Variants in SYT1 observed in about 807,000 individuals in gnomAD.
The protein encoded by SYT1 is synaptotagmin-1.
Under a neutral mutation model 44.8 loss-of-function variants are expected in SYT1, and 8 were observed. That is an observed-to-expected ratio of 0.18 (90% CI 0.10 to 0.32). The LOEUF (loss-of-function observed/expected upper bound fraction) is 0.32, where lower values mean the gene tolerates loss of function less well. Ranked by LOEUF, SYT1 falls within the 10% of genes least tolerant of loss-of-function variation. SYT1 has a pLI of 1.00. For missense variants in SYT1, 286 were observed against 509.3 expected (o/e 0.56, Z 4.22); for synonymous variants, 154 against 188.8 (o/e 0.82, Z 1.51).
intron 8 of SYT1, among the ~76,000 whole-genome samples, chr12:79,315,893 C>T (rs1881060724): frequency 6.6e-6 from 1 of 152,178 alleles, no homozygotes; most frequent in South Asian, 2.1e-4. Context: ...CCTAATTCTC[C>T]TGATGTAAAA....
chr12:79,444,260 ATAAAT>A, intron 10 of SYT1, 54 bp downstream of exon 10: 1 of 1,601,152 alleles, frequency 6.2e-7, no homozygotes. Flanking sequence ...TTCAGACCAC[ATAAAT>A]TATACACACA....
intron 4 of SYT1, among the ~76,000 whole-genome samples, chr12:79,219,985 G>A (rs1365361155): frequency 6.6e-6 from 1 of 151,950 alleles, no homozygotes; most frequent in Admixed American, 6.6e-5. Flanking sequence ...TCCATTTTTG[G>A]AAGAGTTTGA....
At chr12:79,151,967 G>T (rs908738278) in intron 3 of SYT1, among the ~76,000 whole-genome samples, 1 of 152,122 alleles carries the variant, frequency 6.6e-6, no homozygotes, top group African/African-American at 2.4e-5. Context: ...AAAGGGCTGA[G>T]AAAAGAACTG....
chr12:78,935,433 T>C (rs1258434561), intron 1 of SYT1, among the ~76,000 whole-genome samples: 1 of 152,122 alleles, frequency 6.6e-6, no homozygotes, highest in African/African-American at 2.4e-5. Context: ...TTTACTGCTT[T>C]GGTAAAAATA....
chr12:78,871,246 G>A (rs185934817), intron 1 of SYT1, among the ~76,000 whole-genome samples: 2 of 151,922 alleles, frequency 1.3e-5, no homozygotes, highest in East Asian at 1.9e-4. Context: ...CATCACACAC[G>A]AGCTTGCTTT....
At chr12:79,049,002 T>C (rs1874272774) in intron 3 of SYT1, among the ~76,000 whole-genome samples, 1 of 151,944 alleles carries the variant, frequency 6.6e-6, no homozygotes, top group African/African-American at 2.4e-5. Flanking sequence ...TGTACAATAC[T>C]CATTGGAAAA....
chr12:79,292,127 C>A lies in SYT1; in HGVS notation c.471C>A (p.Asn157Lys), dbSNP rs771321547. 1 of 1,613,452 alleles carries A rather than the reference C, an allele frequency of 6.2e-7. No individual in the cohort carries two copies. Among genetic ancestry groups the A allele is most frequent in the Non-Finnish European group, 8.5e-7 (1 of 1,179,804 alleles). Residue 157 changes from asparagine (N) to lysine (K), a missense_variant, in exon 6 of 11, where the codon AAC becomes AAA. Coordinates refer to ENST00000261205, the MANE Select transcript of SYT1 (RefSeq NM_005639.3). The part of the protein sequence containing the change: ...QYSLDYDFQN[N>K]QLLVGIIQAA... Reference sequence around the variant, plus strand: ...CACTGGATTATGATTTCCAAAATAACCAGGTCTGAAGTGGAGAAATGTCTT... The same window carrying A: ...CACTGGATTATGATTTCCAAAATAAACAGGTCTGAAGTGGAGAAATGTCTT...
chr12:79,444,490 A>G (rs1417186481), intron 10 of SYT1, among the ~76,000 whole-genome samples: 3 of 152,212 alleles, frequency 2.0e-5, no homozygotes, highest in Admixed American at 2.0e-4. Context: ...AAGTGCATCT[A>G]TAAAAGTTAA....
chr12:79,258,164 C>G (rs556494411), intron 4 of SYT1, among the ~76,000 whole-genome samples: 58 of 152,324 alleles, frequency 3.8e-4, no homozygotes, highest in Admixed American at 1.4e-3. Flanking sequence ...CTTTATTTTA[C>G]ATATTCCTAT....
At position 78,983,355 on chromosome 12, in the gene SYT1, G is replaced by A. The variant is rs1869412130; in HGVS notation, c.-84+5424G>A. 2.6e-5 allele frequency among the ~76,000 whole-genome samples: 4 copies of A among 151,854 alleles called. No homozygotes were observed. In the South Asian group the frequency reaches 8.3e-4, roughly 31 times the overall value. ...ATGGAATCAAATACCTCACAGCCCA[G>A]GCCTCAAAGGCATCTTTTCTTATCA... On this transcript the variant is annotated intron_variant, in intron 2 of 10. Transcript: ENST00000261205.
chr12:79,133,231 G>T (rs1253582734), intron 3 of SYT1, among the ~76,000 whole-genome samples: 1 of 151,976 alleles, frequency 6.6e-6, no homozygotes, highest in African/African-American at 2.4e-5. Flanking sequence ...AAAATTGCTA[G>T]AAGAGGGTCA....
intron 1 of SYT1, among the ~76,000 whole-genome samples, chr12:78,931,386 A>AAGGG (rs1877728990): frequency 2.6e-5 from 3 of 117,030 alleles, no homozygotes; most frequent in Non-Finnish European, 5.3e-5. Flanking sequence ...GGAAGGAAGG[A>AAGGG]AGGAAGGAAG....
At chr12:79,205,760 T>C (rs192782826) in intron 3 of SYT1, among the ~76,000 whole-genome samples, 2 of 152,322 alleles carry the variant, frequency 1.3e-5, no homozygotes, top group African/African-American at 4.8e-5. Context: ...ATGAATATAG[T>C]TTTCACTTGG....
chr12:79,143,290 G>C (rs1869675229), intron 3 of SYT1, among the ~76,000 whole-genome samples: 2 of 152,118 alleles, frequency 1.3e-5, no homozygotes, highest in Admixed American at 1.3e-4. Flanking sequence ...ATATACTGTT[G>C]TCTTTTGCAG....
chr12:79,349,041 G>GAAAGAA lies in SYT1; in HGVS notation c.811-4459_811-4454dup, dbSNP rs1565919935. On this transcript the variant is annotated intron_variant, in intron 8 of 10. Coordinates refer to ENST00000261205, the MANE Select transcript of SYT1 (RefSeq NM_005639.3). ...AAAGAAAGAAAGAAAGAAAAAGAAA[G>GAAAGAA]AAAGAAAGAAAGAAAGGAGGGAGGG... is the stretch of plus-strand genomic sequence containing the variant. Among the ~76,000 whole-genome samples the GAAAGAA allele has an allele frequency of 2.9e-3, 325 of 113,028 alleles. 1 individual carries two copies. Among genetic ancestry groups the GAAAGAA allele is most frequent in the African/African-American group, 0.011 (312 of 29,584 alleles). 74.2% of individuals were successfully genotyped at this position (113,028 alleles called of 152,430 possible).
chr12:79,143,739 G>A (rs921332408), intron 3 of SYT1, among the ~76,000 whole-genome samples: 5 of 151,866 alleles, frequency 3.3e-5, no homozygotes, highest in Non-Finnish European at 5.9e-5. Context: ...AATTCAGCTC[G>A]AGCAACGTTG....
intron 1 of SYT1, among the ~76,000 whole-genome samples, chr12:78,923,002 T>C (rs960192695): frequency 6.6e-6 from 1 of 151,936 alleles, no homozygotes; most frequent in Non-Finnish European, 1.5e-5. Flanking sequence ...ACCCTTTCCA[T>C]GTGAAGTGGA....
intron 4 of SYT1, among the ~76,000 whole-genome samples, chr12:79,285,363 C>T (rs1367901319): frequency 1.3e-5 from 2 of 152,122 alleles, no homozygotes; most frequent in East Asian, 1.9e-4. Context: ...CTATGGGGTA[C>T]CTACCAATTT....
At chr12:79,209,248 A>T (rs1874301279) in intron 3 of SYT1, among the ~76,000 whole-genome samples, 1 of 152,174 alleles carries the variant, frequency 6.6e-6, no homozygotes, top group South Asian at 2.1e-4. Context: ...GAGGATTTTG[A>T]TATGCTGCTA....
Sources: gnomAD v4.1 joint callset for allele counts (sites outside exome capture counted in the v4.1 genomes callset) on GRCh38, gnomAD v4.1.1 for gene constraint, MANE v1.5 for transcripts, NCBI Gene and HGNC (gene_info 2026-07-23, HGNC 2026-07-21) for gene names.